Variants in TRHDE observed in about 807,000 individuals in gnomAD.
The protein encoded by TRHDE is thyrotropin-releasing hormone-degrading ectoenzyme.
A neutral mutation model predicts 125.7 loss-of-function variants in TRHDE; 72 were observed. The ratio of observed to expected loss-of-function variants is 0.57; its 90% CI spans 0.47 to 0.70. TRHDE has a LOEUF of 0.70. Among genes scored for constraint, TRHDE ranks in the 30% least tolerant of loss-of-function variants. The pLI is 0.00. For missense variants in TRHDE, 1,110 were observed against 1,327.1 expected, an observed-to-expected ratio of 0.84 and a Z score of 2.54; for synonymous variants, 509 against 509.1, an observed-to-expected ratio of 1.00 and a Z score of 0.00.
At chr12:72,296,274 C>A (rs1467842635) in intron 2 of TRHDE, among the ~76,000 whole-genome samples, 2 of 152,016 alleles carry the variant, frequency 1.3e-5, no homozygotes, top group Non-Finnish European at 2.9e-5. Context: ...TAATTTTGAC[C>A]AATATTGAAA....
chr12:72,224,094 C>CTATCTATT (rs1403114069), intron 2 of TRHDE, among the ~76,000 whole-genome samples: 2 of 31,142 alleles, frequency 6.4e-5, no homozygotes, highest in Non-Finnish European at 1.3e-4. Context: ...ATCTATCCAT[C>CTATCTATT]TATCTATCTA....
chr12:72,563,509 A>T (rs1020684475), intron 9 of TRHDE, among the ~76,000 whole-genome samples: 1 of 152,198 alleles, frequency 6.6e-6, no homozygotes, highest in Non-Finnish European at 1.5e-5. Context: ...AAATGATCTA[A>T]TGATTAATGC....
At chr12:72,176,295 G>A (rs1005246510) in intron 2 of TRHDE, among the ~76,000 whole-genome samples, 1 of 152,120 alleles carries the variant, frequency 6.6e-6, no homozygotes, top group African/African-American at 2.4e-5. Context: ...CGCTTGAGCC[G>A]GGGAGGTGGA....
At chr12:72,307,764 C>T (rs1565692551) in intron 2 of TRHDE, among the ~76,000 whole-genome samples, 1 of 152,124 alleles carries the variant, frequency 6.6e-6, no homozygotes, top group African/African-American at 2.4e-5. Flanking sequence ...TCATTGTTGT[C>T]AGAAAGAACA....
At chr12:72,603,826 C>T (rs559563539) in intron 12 of TRHDE, among the ~76,000 whole-genome samples, 3 of 151,780 alleles carry the variant, frequency 2.0e-5, no homozygotes, top group Non-Finnish European at 2.9e-5. Flanking sequence ...AGAAATCTCA[C>T]TCAAAGGGAT....
chr12:72,575,639 T>C, intron 12 of TRHDE, 97 bp downstream of exon 12: 1 of 1,172,096 alleles, frequency 8.5e-7, no homozygotes, highest in East Asian at 2.4e-5. Context: ...TTTAGGACAT[T>C]TAAAAAAATC....
chr12:72,485,800 C>G (rs1159368917), intron 5 of TRHDE, among the ~76,000 whole-genome samples: 1 of 152,142 alleles, frequency 6.6e-6, no homozygotes, highest in Non-Finnish European at 1.5e-5. Context: ...GCTGTACTAT[C>G]TTGACCTCCA....
chr12:72,102,168 G>C lies in TRHDE; in HGVS notation n.175-3480G>C, dbSNP rs542852104. Reference sequence around the variant, plus strand: ...AGCCCTCAGATATATTTAGGTATCTGGACAAGCTAAATTCACATCCCAGTG... The same window carrying C: ...AGCCCTCAGATATATTTAGGTATCTCGACAAGCTAAATTCACATCCCAGTG... On this transcript the variant is annotated intron_variant and non_coding_transcript_variant, in intron 1 of 4. Transcript: ENST00000548156. Among the ~76,000 whole-genome samples, 6 of 152,250 alleles carry C rather than the reference G, an allele frequency of 3.9e-5. No homozygotes were observed. The East Asian group carries it at 7.7e-4, about 20-fold the overall frequency.
intron 6 of TRHDE, among the ~76,000 whole-genome samples, chr12:72,531,289 T>TA (rs1868537975): frequency 6.6e-6 from 1 of 152,106 alleles, no homozygotes; most frequent in Admixed American, 6.6e-5. Flanking sequence ...TTATATCCAT[T>TA]GCCCATTTTC....
intron 2 of TRHDE, among the ~76,000 whole-genome samples, chr12:72,164,002 C>A (rs1175656855): frequency 6.6e-6 from 1 of 152,028 alleles, no homozygotes; most frequent in Non-Finnish European, 1.5e-5. Flanking sequence ...TCCCAGCTAG[C>A]TGGGAGGCTG....
At chr12:72,245,269 G>C (rs1878554853) in intron 2 of TRHDE, among the ~76,000 whole-genome samples, 2 of 150,876 alleles carry the variant, frequency 1.3e-5, no homozygotes, top group Non-Finnish European at 3.0e-5. Context: ...GTGTGTGTGT[G>C]TAGAGGGAGA....
chr12:72,463,192 G>A (rs1876208160), intron 3 of TRHDE, among the ~76,000 whole-genome samples: 1 of 152,166 alleles, frequency 6.6e-6, no homozygotes, highest in Non-Finnish European at 1.5e-5. Context: ...CCTAGGCATG[G>A]AAGGATTGGC....
chr12:72,571,607 C>A (rs10129051), intron 10 of TRHDE, among the ~76,000 whole-genome samples: 36,207 of 151,882 alleles, frequency 0.24, 6,059 homozygotes, highest in East Asian at 0.53. Flanking sequence ...TCTTATTATG[C>A]AAATACCAAA....
chr12:72,417,351 C>A (rs367700681), intron 3 of TRHDE, among the ~76,000 whole-genome samples: 1 of 151,950 alleles, frequency 6.6e-6, no homozygotes, highest in East Asian at 1.9e-4. Context: ...TAAGCATTGG[C>A]AGAGATTAAC....
intron 2 of TRHDE, among the ~76,000 whole-genome samples, chr12:72,184,142 T>A (rs953744418): frequency 1.6e-4 from 24 of 152,336 alleles, no homozygotes; most frequent in Middle Eastern, 3.4e-3. Flanking sequence ...TAGTTTTTTT[T>A]ATTTTTATTT....
chr12:72,599,224 T>A (rs1314964129), intron 12 of TRHDE, among the ~76,000 whole-genome samples: 1 of 152,104 alleles, frequency 6.6e-6, no homozygotes, highest in African/African-American at 2.4e-5. Context: ...AACAATTTAT[T>A]TTCTTTTGGA....
chr12:72,153,074 T>A (rs1004144268), intron 2 of TRHDE, among the ~76,000 whole-genome samples: 1 of 152,164 alleles, frequency 6.6e-6, no homozygotes, highest in Non-Finnish European at 1.5e-5. Context: ...CAATTTCAGC[T>A]CCTGTTATTG....
chr12:72,439,498 G>A (rs1050018065), intron 3 of TRHDE, among the ~76,000 whole-genome samples: 5 of 151,590 alleles, frequency 3.3e-5, no homozygotes, highest in East Asian at 1.9e-4. Context: ...TCAGTGTGAA[G>A]ATCTTTCACT....
chr12:72,164,504 T>C (rs1458609600), intron 2 of TRHDE, among the ~76,000 whole-genome samples: 1 of 152,096 alleles, frequency 6.6e-6, no homozygotes, highest in Admixed American at 6.6e-5. Flanking sequence ...GGTGGTGAGC[T>C]GAACAGAACT....
Sources: allele counts gnomAD v4.1 joint callset (sites outside exome capture counted in the v4.1 genomes callset), GRCh38; gene constraint gnomAD v4.1.1; transcripts MANE v1.5; gene names NCBI Gene and HGNC (gene_info 2026-07-23, HGNC 2026-07-21).